The following PDE9A variants were observed in gnomAD, a reference collection of about 807,000 sequenced individuals.
PDE9A encodes the protein phosphodiesterase 9A.
PDE9A carries 60 observed loss-of-function variants against 87.4 expected under a neutral mutation model. The ratio of observed to expected loss-of-function variants is 0.69; its 90% confidence interval spans 0.56 to 0.85. The LOEUF is 0.85. Ranked by LOEUF, PDE9A falls within the 40% of genes least tolerant of loss-of-function variation. The pLI, the probability that PDE9A is intolerant of heterozygous loss-of-function variation, is 0.00. For missense variants in PDE9A, 665 were observed against 779.0 expected (o/e 0.85, Z 1.74); for synonymous variants, 272 against 279.4 (o/e 0.97, Z 0.27).
intron 4 of PDE9A, among the ~76,000 whole-genome samples, chr21:42,730,077 C>G (rs919400499): frequency 1.3e-5 from 2 of 152,144 alleles, no homozygotes; most frequent in East Asian, 3.8e-4. Context: ...TTATGTGATA[C>G]GCTACCTTTT....
intron 1 of PDE9A, among the ~76,000 whole-genome samples, chr21:42,658,204 C>G (rs1398776686): frequency 6.6e-6 from 1 of 152,214 alleles, no homozygotes; most frequent in African/African-American, 2.4e-5. Flanking sequence ...CAAGGCCAAC[C>G]TCTGCGGGCC....
At chr21:42,774,900 CTG>C (rs1180708792) in intron 19 of PDE9A, among the ~76,000 whole-genome samples, 1 of 130,310 alleles carries the variant, frequency 7.7e-6, no homozygotes, top group Non-Finnish European at 1.7e-5. Context: ...AAAAAAAAGT[CTG>C]TGTATAATCC....
At chr21:42,671,925 C>T (rs1039843715) in intron 1 of PDE9A, among the ~76,000 whole-genome samples, 1 of 152,156 alleles carries the variant, frequency 6.6e-6, no homozygotes, top group South Asian at 2.1e-4. Context: ...GGTCTGTTCT[C>T]TCTCCCAGAG....
intron 7 of PDE9A, chr21:42,733,919 T>A (rs1266470062): frequency 6.3e-6 from 1 of 158,092 alleles, no homozygotes; most frequent in Admixed American, 6.1e-5. Context: ...GTGGGAGGTG[T>A]TTGGGTCACC....
At chr21:42,726,618 ATATATATTT>A (rs2051107150) in intron 4 of PDE9A, among the ~76,000 whole-genome samples, 9 of 23,046 alleles carry the variant, frequency 3.9e-4, no homozygotes, top group African/African-American at 1.6e-3. Context: ...ATATATATAT[ATATATATTT>A]TTTTTTTTTT....
At chr21:42,757,125 G>A (rs1419940972) in intron 10 of PDE9A, 1 of 152,322 alleles carries the variant, frequency 6.6e-6, no homozygotes, top group African/African-American at 2.4e-5. Flanking sequence ...CTGACCAGTG[G>A]CCTGGGAGCC....
chr21:42,756,177 C>T (rs1461122168), intron 10 of PDE9A, among the ~76,000 whole-genome samples: 5 of 152,198 alleles, frequency 3.3e-5, no homozygotes, highest in African/African-American at 7.2e-5. Flanking sequence ...TCCAGGAGAC[C>T]GATGAGGGTT....
chr21:42,695,138 A>G lies in PDE9A; in HGVS notation c.219-3830A>G, dbSNP rs1248034656. On this transcript the variant is annotated intron_variant, in intron 3 of 19. Transcript: ENST00000291539. This position sits in a 1 kb window ranked among gnomAD's most constrained non-coding sequence, Gnocchi z 4.3. Reference sequence around the variant, plus strand: ...GGAACACGTTTACATCATGGAAAATATGGAAAATAGGCTGATTGGCTTCCA... The same window carrying G: ...GGAACACGTTTACATCATGGAAAATGTGGAAAATAGGCTGATTGGCTTCCA... Among the ~76,000 whole-genome samples the G allele has an allele frequency of 1.3e-5, 2 of 152,246 alleles. No individual in the cohort carries two copies. The highest frequency in any genetic ancestry group is 2.4e-5 in the African/African-American group (1 of 41,464).
chr21:42,655,188 A>G (rs2056967107), intron 1 of PDE9A, among the ~76,000 whole-genome samples: 2 of 152,174 alleles, frequency 1.3e-5, no homozygotes, highest in Admixed American at 6.5e-5. Flanking sequence ...ACACGTGCAC[A>G]TGAGCACACA....
chr21:42,715,330 T>C (rs937727256), intron 4 of PDE9A, among the ~76,000 whole-genome samples: 4 of 151,946 alleles, frequency 2.6e-5, no homozygotes, highest in Non-Finnish European at 4.4e-5. Context: ...CTGCATCAGA[T>C]TGTATATTGG....
At chr21:42,730,438 AT>A (rs1208425892) in intron 4 of PDE9A, among the ~76,000 whole-genome samples, 1 of 152,184 alleles carries the variant, frequency 6.6e-6, no homozygotes, top group South Asian at 2.1e-4. Context: ...GTTTTTTTTA[AT>A]TTTTTAAATG....
rs549168855 is a variant in PDE9A at position 42,686,704 on chromosome 21, G to T, written c.140+442G>T. 5.9e-5 allele frequency among the ~76,000 whole-genome samples: 9 copies of T among 152,232 alleles called. No homozygotes were observed. The East Asian group carries it at 1.5e-3, about 26-fold the overall frequency. ...GTGGCGAGCACCTGTCATCCCAGCTGCTTGGGAGGCTGAGGCAGGAGAATG... is the reference window on the plus strand; with the variant it reads ...GTGGCGAGCACCTGTCATCCCAGCTTCTTGGGAGGCTGAGGCAGGAGAATG... On this transcript the variant is annotated intron_variant, in intron 2 of 19. Transcript: ENST00000291539.
chr21:42,731,640 G>A (rs1480503104), intron 4 of PDE9A, 130 bp from the exon 5 acceptor site: 1 of 959,940 alleles, frequency 1.0e-6, no homozygotes, highest in East Asian at 2.4e-5. Flanking sequence ...CCCGCCGTGA[G>A]AACACCGTGT....
chr21:42,660,347 G>A lies in PDE9A; in HGVS notation c.69+6464G>A, dbSNP rs766283051. ...CCTCCAGCTTCCAGGAGCAGGTGCG[G>A]GGCCTGCAGGGACGGCTCGCAGAGA... is the stretch of plus-strand genomic sequence containing the variant. On this transcript the variant is annotated intron_variant, in intron 1 of 19. Coordinates refer to ENST00000291539, the MANE Select transcript of PDE9A (RefSeq NM_002606.3). This position sits in a 1 kb window ranked among gnomAD's most constrained non-coding sequence, Gnocchi z 4.7. 6.6e-6 allele frequency among the ~76,000 whole-genome samples: 1 copy of A among 152,200 alleles called. No homozygotes were observed. The highest frequency in any genetic ancestry group is 1.5e-5 in the Non-Finnish European group (1 of 68,028).
intron 1 of PDE9A, among the ~76,000 whole-genome samples, chr21:42,664,127 G>C (rs1470613718): frequency 1.4e-4 from 22 of 152,242 alleles, no homozygotes; most frequent in Admixed American, 1.4e-3. Context: ...TGCCAGGCTT[G>C]GCTTCTGGAA....
At chr21:42,710,037 G>T (rs2049175427) in intron 4 of PDE9A, among the ~76,000 whole-genome samples, 1 of 152,118 alleles carries the variant, frequency 6.6e-6, no homozygotes, top group Admixed American at 6.6e-5. Flanking sequence ...CCATGATCTT[G>T]GGTCCACCTA....
intron 1 of PDE9A, among the ~76,000 whole-genome samples, chr21:42,657,254 A>T (rs1317775811): frequency 6.6e-6 from 1 of 152,220 alleles, no homozygotes; most frequent in East Asian, 1.9e-4. Context: ...TGTTCCCGTC[A>T]TCTGTTCCTT....
intron 1 of PDE9A, among the ~76,000 whole-genome samples, chr21:42,674,576 G>A (rs1280356441): frequency 6.6e-6 from 1 of 152,054 alleles, no homozygotes; most frequent in Non-Finnish European, 1.5e-5. Flanking sequence ...AACCAGGGAG[G>A]CCTCTCCCCT....
intron 9 of PDE9A, 120 bp downstream of exon 9, chr21:42,751,317 C>G (rs770872530): frequency 2.6e-6 from 2 of 765,672 alleles, no homozygotes; most frequent in Non-Finnish European, 4.7e-6. Flanking sequence ...CCCTCCCAGC[C>G]CTGGGCCGCT....
Sources: allele counts gnomAD v4.1 joint callset (sites outside exome capture counted in the v4.1 genomes callset), GRCh38; gene constraint gnomAD v4.1.1; non-coding constraint Gnocchi (gnomAD v3.1); transcripts MANE v1.5; gene names NCBI Gene and HGNC (gene_info 2026-07-23, HGNC 2026-07-21).